The following TRIM65 variants were observed in gnomAD, a reference collection of about 807,000 sequenced individuals.
TRIM65 encodes E3 ubiquitin-protein ligase TRIM65.
In TRIM65, 46 loss-of-function variants were observed where a neutral mutation model predicts 36.1. The observed-to-expected ratio is 1.27, with a 90% CI of 1.01 to 1.63. The LOEUF (loss-of-function observed/expected upper bound fraction) is 1.63, where lower values mean the gene tolerates loss of function less well. TRIM65 is among the 40% of genes most tolerant of loss of function. The pLI is 0.00. For synonymous variants in TRIM65, 346 were observed against 313.6 expected, an observed-to-expected ratio of 1.10 and a Z score of -1.09; for missense variants, 708 against 696.6, an observed-to-expected ratio of 1.02 and a Z score of -0.18.
chr17:75,896,803 C>A lies in TRIM65; in HGVS notation c.135G>T (p.Lys45Asn). The change falls in exon 1 of 6, where the codon AAG becomes AAT. Residue 45 changes from lysine (K) to asparagine (N), a missense_variant. Coordinates refer to ENST00000269383, the MANE Select transcript of TRIM65 (RefSeq NM_173547.4). ...CIRDWWDRCG[K>N]ACPECREPFP... Reference sequence around the variant, plus strand: ...AGGGCTCCCGGCACTCGGGGCACGCCTTTCCGCAGCGGTCCCACCAGTCCC... The same window carrying A: ...AGGGCTCCCGGCACTCGGGGCACGCATTTCCGCAGCGGTCCCACCAGTCCC... 3 of 1,512,112 alleles carry A rather than the reference C, an allele frequency of 2.0e-6. No individual in the cohort carries two copies. Among genetic ancestry groups the A allele is most frequent in the Non-Finnish European group, 2.6e-6 (3 of 1,133,082 alleles). The allele number at this position is 1,512,112 out of a possible 1,614,324, so 93.7% of individuals were successfully genotyped here.
Position 75,892,165 on chromosome 17 carries a change from G to C in TRIM65, c.765C>G (p.Pro255=), listed in dbSNP as rs1241156018. ...GGGTCAGTGGCCCAAGAGGCCCTGG[G>C]GGCTGGAGGAGCTGCGATTCCTGAG... The part of the protein sequence containing the change: ...TFLQESQLLQ[P]PGPLGPLTPL... The change falls in exon 4 of 6, where the codon CCC becomes CCG. Residue 255 remains proline, a synonymous_variant. Coordinates refer to ENST00000269383, the MANE Select transcript of TRIM65 (RefSeq NM_173547.4). The C allele has an allele frequency of 6.4e-7, 1 of 1,570,392 alleles. No homozygotes were observed. The highest frequency in any genetic ancestry group is 1.2e-5 in the South Asian group (1 of 85,782).
intron 4 of TRIM65, among the ~76,000 whole-genome samples, chr17:75,882,701 G>A (rs573336888): frequency 4.0e-5 from 6 of 150,806 alleles, no homozygotes; most frequent in South Asian, 4.1e-4. Context: ...CTGGAATTCC[G>A]ATAGGTACCA....
At chr17:75,891,750 A>G in intron 5 of TRIM65, 63 bp downstream of exon 5, 1 of 1,424,564 alleles carries the variant, frequency 7.0e-7, no homozygotes, top group South Asian at 1.2e-5. Flanking sequence ...TGCTCACAGC[A>G]CACACAGGCA....
rs768621917 is a variant in TRIM65 at position 75,892,360 on chromosome 17, C to T, written c.651G>A (p.Glu217=). The T allele has an allele frequency of 1.2e-6, 2 of 1,613,406 alleles. No individual in the cohort carries two copies. Among genetic ancestry groups the T allele is most frequent in the Admixed American group, 1.7e-5 (1 of 60,002 alleles). The part of the protein sequence containing the change: ...TQALAQARDE[E]QRLRVHLEAV... ...CCTCCAAATGGACCCGCAGCCGCTG[C>T]TCCTCGTCTCGAGCCTGTGCCAGCG... is the stretch of plus-strand genomic sequence containing the variant. The change falls in exon 3 of 6, where the codon GAG becomes GAA. Residue 217 remains glutamate (E), a synonymous_variant. Transcript: ENST00000269383.
intron 1 of TRIM65, among the ~76,000 whole-genome samples, chr17:75,893,531 A>G (rs886778847): frequency 1.3e-5 from 2 of 152,102 alleles, no homozygotes; most frequent in Non-Finnish European, 2.9e-5. Flanking sequence ...CGCAGGTCCC[A>G]GGGGCTCCAT....
At chr17:75,887,154 TAAA>T (rs5822108), downstream of TRIM65, among the ~76,000 whole-genome samples, 81 of 101,704 alleles carry the variant, frequency 8.0e-4, 1 homozygote, top group African/African-American at 1.4e-3. Flanking sequence ...CCCCATCTCT[TAAA>T]AAAAAAAAAA....
rs2065284016 is a variant in TRIM65 at position 75,892,399 on chromosome 17, C to T, written c.612G>A (p.Val204=). 1.2e-6 allele frequency: 2 copies of T among 1,613,968 alleles called. No individual in the cohort carries two copies. The highest frequency in any genetic ancestry group is 2.2e-5 in the East Asian group (1 of 44,896). The part of the protein sequence containing the change: ...QHTTALRSIE[V]AKTQALAQAR... ...CCTGTGCCAGCGCCTGCGTCTTGGCCACCTCGATGCTCCTCAGTGCTGTCG... is the reference window on the plus strand; with the variant it reads ...CCTGTGCCAGCGCCTGCGTCTTGGCTACCTCGATGCTCCTCAGTGCTGTCG... Residue 204 remains valine (V), a synonymous_variant, in exon 3 of 6, where the codon GTG becomes GTA. Transcript: ENST00000269383.
At position 75,890,103 on chromosome 17, in the gene TRIM65, T is replaced by A. The variant is rs1161993081; in HGVS notation, c.*676A>T. On this transcript the variant is annotated 3_prime_UTR_variant, in exon 6 of 6. Transcript: ENST00000269383. ...CTTCAGAAAACACTGTAATCTGAGC[T>A]ACTCTGGAGGCTGAGGTGGGAGGAT... 1 of 152,206 alleles carries A rather than the reference T, an allele frequency of 6.6e-6. No homozygotes were observed. The highest frequency in any genetic ancestry group is 1.5e-5 in the Non-Finnish European group (1 of 68,054). 9.4% of individuals were successfully genotyped at this position (152,206 alleles called of 1,614,324 possible). A position where few individuals can be genotyped will look rare whatever the true frequency, so the allele number is the denominator to read the frequency against.
In TRIM65 at chr17:75,896,539, C is replaced by T. The variant is rs2144112252; in HGVS notation, c.399G>A (p.Glu133=). ...RLHERALLDA[E]RLKREAQLRA... ...GATGCGTCACCTCGCGCTTGAGGCG[C>T]TCGGCATCCAGCAGCGCCCGCTCGT... Residue 133 remains glutamate (E), a synonymous_variant, in exon 1 of 6, where the codon GAG becomes GAA. Transcript: ENST00000269383. The T allele has an allele frequency of 7.4e-7, 1 of 1,350,744 alleles. No individual in the cohort carries two copies. Among genetic ancestry groups the T allele is most frequent in the Non-Finnish European group, 9.5e-7 (1 of 1,053,182 alleles). The allele number at this position is 1,350,744 out of a possible 1,614,324, so 83.7% of individuals were successfully genotyped here.
In TRIM65 at chr17:75,896,580, G is replaced by C; in HGVS notation, c.358C>G (p.Arg120Gly). 1 of 1,361,140 alleles carries C rather than the reference G, an allele frequency of 7.3e-7. No homozygotes were observed. The highest frequency in any genetic ancestry group is 9.4e-7 in the Non-Finnish European group (1 of 1,058,714). 84.3% of individuals were successfully genotyped at this position (1,361,140 alleles called of 1,614,324 possible). ...GRCVCSVCTV[R>G]ECRLHERALL... is the part of the protein sequence containing the mutation. Reference sequence around the variant, plus strand: ...GCCCGCTCGTGGAGGCGACACTCGCGCACGGTGCACACGCTGCACACACAG... The same window carrying C: ...GCCCGCTCGTGGAGGCGACACTCGCCCACGGTGCACACGCTGCACACACAG... Residue 120 changes from arginine to glycine, a missense_variant, in exon 1 of 6, where the codon CGC becomes GGC. Arg to Gly is a moderately radical substitution (Grantham distance 125). Coordinates refer to ENST00000269383, the MANE Select transcript of TRIM65 (RefSeq NM_173547.4).
chr17:75,891,531 C>T (rs769546731), intron 5 of TRIM65, among the ~76,000 whole-genome samples, 184 bp from the exon 6 acceptor site: 3 of 152,240 alleles, frequency 2.0e-5, no homozygotes, highest in Non-Finnish European at 4.4e-5. Flanking sequence ...AAAACTGGGG[C>T]TCTGAGAGCC....
rs951870593 is a variant in TRIM65, at chr17:75,896,669, T to G, written c.269A>C (p.Asp90Ala). The change falls in exon 1 of 6, where the codon GAC becomes GCC. Residue 90 changes from aspartate to alanine, a missense_variant. Transcript: ENST00000269383. Reference protein sequence around the residue: ...DPGPDPGPGPDPAARCPRHGR... With the variant: ...DPGPDPGPGPAPAARCPRHGR... ...GTGGCGGGGGCAGCGCGCGGCAGGG[T>G]CGGGGCCGGGGCCGGGATCGGGGCC... 1 of 1,276,966 alleles carries G rather than the reference T, an allele frequency of 7.8e-7. No individual in the cohort carries two copies. The highest frequency in any genetic ancestry group is 1.6e-5 in the African/African-American group (1 of 64,288). The allele number at this position is 1,276,966 out of a possible 1,614,324, so 79.1% of individuals were successfully genotyped here.
rs566976009 is a variant in TRIM65 at position 75,889,813 on chromosome 17, C to A, written c.*966G>T. 1 of 152,108 alleles carries A rather than the reference C, an allele frequency of 6.6e-6. No individual in the cohort carries two copies. Among genetic ancestry groups the A allele is most frequent in the African/African-American group, 2.4e-5 (1 of 41,392 alleles). The allele number at this position is 152,108 out of a possible 1,614,324, so 9.4% of individuals were successfully genotyped here. ...TCAGAAATATTCATCATAAGCCAGG[C>A]GTGGTGGCATACACCTGTAATCCCA... On this transcript the variant is annotated 3_prime_UTR_variant, in exon 6 of 6. Coordinates refer to ENST00000269383, the MANE Select transcript of TRIM65 (RefSeq NM_173547.4).
At chr17:75,895,756 T>C (rs983368523) in intron 1 of TRIM65, among the ~76,000 whole-genome samples, 1 of 152,204 alleles carries the variant, frequency 6.6e-6, no homozygotes, top group African/African-American at 2.4e-5. Flanking sequence ...ATTCACGCCT[T>C]ACTGGAACAC....
chr17:75,883,141 A>G (rs2065179547), intron 4 of TRIM65, among the ~76,000 whole-genome samples: 1 of 145,816 alleles, frequency 6.9e-6, no homozygotes, highest in South Asian at 2.1e-4. Flanking sequence ...TTTTTTAGAC[A>G]GAGTCTCACT....
rs145180229 is a variant in TRIM65 at position 75,889,944 on chromosome 17, A to G, written c.*835T>C. On this transcript the variant is annotated 3_prime_UTR_variant, in exon 6 of 6. Coordinates refer to ENST00000269383, the MANE Select transcript of TRIM65 (RefSeq NM_173547.4). ...ATCCTGTCTCAAAAAAAACACATCA[A>G]TGTTTGTATAGCTAAAAAGAAAGAA... 15 of 152,286 alleles carry G rather than the reference A, an allele frequency of 9.8e-5. No homozygotes were observed. In the East Asian group the frequency reaches 2.9e-3, roughly 29 times the overall value. The allele number at this position is 152,286 out of a possible 1,614,324, so 9.4% of individuals were successfully genotyped here.
At chr17:75,887,657 A>G (rs1443938522), downstream of TRIM65, among the ~76,000 whole-genome samples, 2 of 151,324 alleles carry the variant, frequency 1.3e-5, no homozygotes, top group African/African-American at 2.4e-5. Flanking sequence ...AAAAAAAAAA[A>G]AAAAAAAGAA....
intron 1 of TRIM65, 96 bp from the exon 2 acceptor site, chr17:75,892,946 C>T (rs1186874758): frequency 1.8e-6 from 2 of 1,103,898 alleles, no homozygotes; most frequent in Admixed American, 2.1e-5. Flanking sequence ...AGACACCAGG[C>T]AGCCCCTCCC....
Position 75,891,870 on chromosome 17 carries a change from C to G in TRIM65, c.928G>C (p.Gly310Arg). 6.2e-7 allele frequency: 1 copy of G among 1,612,160 alleles called. No individual in the cohort carries two copies. Among genetic ancestry groups the G allele is most frequent in the Non-Finnish European group, 8.5e-7 (1 of 1,179,080 alleles). Reference sequence around the variant, plus strand: ...GTGCTTGGGACCGGTGCCAGGGGACCTGGGGCCTCTAGGGGGCAAAGCAGT... The same window carrying G: ...GTGCTTGGGACCGGTGCCAGGGGACGTGGGGCCTCTAGGGGGCAAAGCAGT... Reference protein sequence around the residue: ...PVDLAPVEAPGPLAPVPSTVC... With the variant: ...PVDLAPVEAPRPLAPVPSTVC... The change falls in exon 5 of 6, where the codon GGT becomes CGT. Residue 310 changes from glycine (G) to arginine (R), a missense_variant. Physicochemically the swap from Gly to Arg is moderately radical, Grantham distance 125. Transcript: ENST00000269383.
Sources: gnomAD v4.1 joint callset for allele counts (sites outside exome capture counted in the v4.1 genomes callset) on GRCh38, gnomAD v4.1.1 for gene constraint, MANE v1.5 for transcripts, NCBI Gene and HGNC (gene_info 2026-07-23, HGNC 2026-07-21) for gene names.